The following PTPN14 variants were observed in gnomAD, a reference collection of about 807,000 sequenced individuals.
PTPN14 encodes protein tyrosine phosphatase non-receptor type 14, also known as tyrosine-protein phosphatase non-receptor type 14.
Under a neutral mutation model 126.8 loss-of-function variants are expected in PTPN14, and 53 were observed. That is an observed-to-expected ratio of 0.42 (90% CI 0.34 to 0.53). The LOEUF (loss-of-function observed/expected upper bound fraction) is 0.53, where lower values mean the gene tolerates loss of function less well. Among genes scored for constraint, PTPN14 ranks in the 20% least tolerant of loss-of-function variants. The pLI is 0.08. For synonymous variants in PTPN14, 630 were observed against 599.3 expected, an observed-to-expected ratio of 1.05 and a Z score of -0.75; for missense variants, 1,257 against 1,552.9, an observed-to-expected ratio of 0.81 and a Z score of 3.20.
intron 1 of PTPN14, among the ~76,000 whole-genome samples, chr1:214,518,670 C>A (rs1249725287): frequency 6.6e-6 from 1 of 152,076 alleles, no homozygotes; most frequent in Non-Finnish European, 1.5e-5. Context: ...TGGCTGGGTG[C>A]AAGTGGGACA....
chr1:214,434,890 T>C (rs1659878069), intron 3 of PTPN14, among the ~76,000 whole-genome samples: 1 of 152,204 alleles, frequency 6.6e-6, no homozygotes, highest in Non-Finnish European at 1.5e-5. Context: ...TCAATAATCA[T>C]GTGACTATGA....
chr1:214,364,567 C>T lies in PTPN14; in HGVS notation c.3380G>A (p.Arg1127Lys). Residue 1127 changes from arginine to lysine, a missense_variant, in exon 18 of 19, where the codon AGG (arginine) becomes AAG (lysine). Transcript: ENST00000366956. This position sits in a 1 kb window ranked among gnomAD's most constrained non-coding sequence, Gnocchi z 4.1. Reference sequence around the variant, plus strand: ...CTCAGAAAGAATGAGCACGCCGGTCCTTCCCACCCCAGCACTACAGTGGAC... The same window carrying T: ...CTCAGAAAGAATGAGCACGCCGGTCTTTCCCACCCCAGCACTACAGTGGAC... ...IVVHCSAGVG[R>K]TGVLILSELM... 3 of 1,614,070 alleles carry T rather than the reference C, an allele frequency of 1.9e-6. No individual in the cohort carries two copies. The highest frequency in any genetic ancestry group is 2.5e-6 in the Non-Finnish European group (3 of 1,180,036).
At chr1:214,512,673 A>G (rs1655006805) in intron 1 of PTPN14, among the ~76,000 whole-genome samples, 1 of 152,142 alleles carries the variant, frequency 6.6e-6, no homozygotes, top group Non-Finnish European at 1.5e-5. Context: ...TTTCACTACA[A>G]TGTTTTTAGA....
intron 3 of PTPN14, among the ~76,000 whole-genome samples, chr1:214,449,249 G>A (rs546274962): frequency 2.0e-4 from 30 of 151,540 alleles, no homozygotes; most frequent in South Asian, 8.4e-4. Context: ...CTCGTGATCC[G>A]CCCGCCTCGG....
intron 3 of PTPN14, among the ~76,000 whole-genome samples, chr1:214,435,799 G>A (rs1659901055): frequency 6.6e-6 from 1 of 152,332 alleles, no homozygotes; most frequent in African/African-American, 2.4e-5. Flanking sequence ...ATGTAAATTA[G>A]TCATGGTAAA....
chr1:214,396,881 A>G (rs1658891626), intron 8 of PTPN14, among the ~76,000 whole-genome samples: 1 of 152,226 alleles, frequency 6.6e-6, no homozygotes, highest in Non-Finnish European at 1.5e-5. Context: ...TTATAGTTAC[A>G]ACTCTGCACA....
chr1:214,417,383 C>T (rs1474352776), intron 3 of PTPN14, among the ~76,000 whole-genome samples: 1 of 152,076 alleles, frequency 6.6e-6, no homozygotes, highest in Non-Finnish European at 1.5e-5. Context: ...ATGCTATGAC[C>T]TAGTCTCTGG....
At chr1:214,512,865 G>GT (rs922030979) in intron 1 of PTPN14, among the ~76,000 whole-genome samples, 3 of 151,882 alleles carry the variant, frequency 2.0e-5, no homozygotes, top group Non-Finnish European at 4.4e-5. Context: ...TAATTTTTGT[G>GT]TTTTTTTGTA....
At chr1:214,444,194 T>C (rs886511349) in intron 3 of PTPN14, among the ~76,000 whole-genome samples, 3 of 152,224 alleles carry the variant, frequency 2.0e-5, no homozygotes, top group African/African-American at 4.8e-5. Context: ...TCTCATCACA[T>C]TGTACATTAC....
chr1:214,521,719 G>A (rs78765002), intron 1 of PTPN14, among the ~76,000 whole-genome samples: 15,543 of 146,110 alleles, frequency 0.11, 1,022 homozygotes, highest in East Asian at 0.3. Flanking sequence ...CCATCTCAAA[G>A]CACACCCACA....
chr1:214,394,913 C>T lies in PTPN14; in HGVS notation c.832G>A (p.Ala278Thr). 6.2e-7 allele frequency: 1 copy of T among 1,612,838 alleles called. No individual in the cohort carries two copies. Among genetic ancestry groups the T allele is most frequent in the Non-Finnish European group, 8.5e-7 (1 of 1,178,886 alleles). Residue 278 changes from alanine (A) to threonine (T), a missense_variant, in exon 9 of 19, where the codon GCC (alanine) becomes ACC (threonine). Ala to Thr is a moderately conservative substitution (Grantham distance 58). Coordinates refer to ENST00000366956, the MANE Select transcript of PTPN14 (RefSeq NM_005401.5). ...LVELINKEET[A>T]LFHTDDIENA... ...GTTGTGCTTACCGTGTGAAAGAGGGCAGTCTCTTCTTTGTTGATGAGCTCC... is the reference window on the plus strand; with the variant it reads ...GTTGTGCTTACCGTGTGAAAGAGGGTAGTCTCTTCTTTGTTGATGAGCTCC...
intron 1 of PTPN14, among the ~76,000 whole-genome samples, chr1:214,526,142 T>C (rs950760917): frequency 6.6e-6 from 1 of 151,660 alleles, no homozygotes; most frequent in African/African-American, 2.4e-5. Flanking sequence ...ATTTTTATAT[T>C]TTTAGTAGAC....
At chr1:214,403,326 C>T (rs950667270) in intron 5 of PTPN14, among the ~76,000 whole-genome samples, 16 of 152,180 alleles carry the variant, frequency 1.1e-4, no homozygotes, top group Non-Finnish European at 1.9e-4. Flanking sequence ...AATGAGTTTC[C>T]AGGCCATCAT....
chr1:214,406,002 G>C (rs1659161543), intron 5 of PTPN14, among the ~76,000 whole-genome samples: 2 of 152,116 alleles, frequency 1.3e-5, no homozygotes, highest in African/African-American at 2.4e-5. Flanking sequence ...GGATACAATG[G>C]GGCAGGGGCA....
chr1:214,508,351 A>C (rs536782403), intron 1 of PTPN14, among the ~76,000 whole-genome samples: 1 of 152,224 alleles, frequency 6.6e-6, no homozygotes, highest in Non-Finnish European at 1.5e-5. Context: ...CGTTTTAACA[A>C]TGTTCACAGC....
intron 9 of PTPN14, 127 bp from the exon 10 acceptor site, chr1:214,393,904 G>A: frequency 2.7e-6 from 2 of 738,730 alleles, no homozygotes; most frequent in African/African-American, 1.8e-5. Flanking sequence ...ATAATACATG[G>A]GCCAGCAAGG....
chr1:214,540,305 C>A lies in PTPN14; in HGVS notation c.-155+10878G>T, dbSNP rs187144301. Among the ~76,000 whole-genome samples the A allele has an allele frequency of 2.6e-3, 393 of 152,158 alleles. 1 individual carries two copies. The highest frequency in any genetic ancestry group is 8.9e-3 in the African/African-American group (369 of 41,512). On this transcript the variant is annotated intron_variant, in intron 1 of 18. Coordinates refer to ENST00000366956, the MANE Select transcript of PTPN14 (RefSeq NM_005401.5). ...AGCACATTTTACAAAATGTATAATG[C>A]AAAAGAATAGGCCTAATAGATCACA...
At chr1:214,382,642 T>G (rs1658500665) in intron 13 of PTPN14, among the ~76,000 whole-genome samples, 2 of 152,224 alleles carry the variant, frequency 1.3e-5, no homozygotes, top group Admixed American at 1.3e-4. Flanking sequence ...CTGTACATAT[T>G]ATGAAGAAGA....
intron 1 of PTPN14, among the ~76,000 whole-genome samples, chr1:214,549,590 A>C (rs1656054320): frequency 6.6e-6 from 1 of 152,224 alleles, no homozygotes; most frequent in African/African-American, 2.4e-5. Context: ...ACAATTAGCT[A>C]ACTTTATAAT....
Sources: gnomAD v4.1 joint callset for allele counts (sites outside exome capture counted in the v4.1 genomes callset) on GRCh38, gnomAD v4.1.1 for gene constraint, Gnocchi (gnomAD v3.1) non-coding constraint, MANE v1.5 for transcripts, NCBI Gene and HGNC (gene_info 2026-07-23, HGNC 2026-07-21) for gene names.